MYT1L: variants seen among roughly 807,000 people sequenced by gnomAD.
The protein encoded by MYT1L is myelin transcription factor 1-like protein.
A neutral mutation model predicts 126.7 loss-of-function variants in MYT1L; 12 were observed. That is an observed-to-expected ratio of 0.09 (90% confidence interval 0.06 to 0.15). The LOEUF (loss-of-function observed/expected upper bound fraction) is 0.15. Among genes scored for constraint, MYT1L ranks in the 10% least tolerant of loss-of-function variants. The probability of loss-of-function intolerance (pLI) is 1.00; values close to 1 mark genes in which losing one functional copy is unlikely to be tolerated. For missense variants in MYT1L, 979 were observed against 1,585.2 expected, an observed-to-expected ratio of 0.62 and a Z score of 6.49; for synonymous variants, 541 against 604.2, an observed-to-expected ratio of 0.90 and a Z score of 1.53.
At position 2,072,655 on chromosome 2, in the gene MYT1L, T is replaced by G. The variant is rs183489512; in HGVS notation, c.-303-18532A>C. ...GATCTCCAATTGTAATCCCCAGGAGTTGAGGGAGGAACCTGGTAGGAAGTG... is the reference window on the plus strand; with the variant it reads ...GATCTCCAATTGTAATCCCCAGGAGGTGAGGGAGGAACCTGGTAGGAAGTG... On this transcript the variant is annotated intron_variant, in intron 3 of 24. Transcript: ENST00000647738. Among the ~76,000 whole-genome samples the G allele has an allele frequency of 2.2e-3, 329 of 152,108 alleles. 1 individual carries two copies. The highest frequency in any genetic ancestry group is 7.8e-3 in the African/African-American group (322 of 41,482).
At chr2:1,990,503 G>A (rs1322322914) in intron 5 of MYT1L, among the ~76,000 whole-genome samples, 2 of 152,158 alleles carry the variant, frequency 1.3e-5, no homozygotes, top group Non-Finnish European at 2.9e-5. Context: ...AACCACTGCG[G>A]GTGCCATGGA....
intron 3 of MYT1L, among the ~76,000 whole-genome samples, chr2:2,077,045 T>A (rs777946847): frequency 1.1e-4 from 16 of 152,134 alleles, no homozygotes; most frequent in Non-Finnish European, 2.4e-4. Flanking sequence ...GTTGAAATAT[T>A]CAATAACTGA....
intron 3 of MYT1L, among the ~76,000 whole-genome samples, chr2:2,137,073 T>G (rs1162969682): frequency 1.3e-5 from 2 of 152,018 alleles, no homozygotes; most frequent in Non-Finnish European, 2.9e-5. Flanking sequence ...AAATCATGAG[T>G]GAACTCCCAT....
chr2:2,018,852 C>CAG (rs1553420743), intron 4 of MYT1L, among the ~76,000 whole-genome samples: 1 of 152,092 alleles, frequency 6.6e-6, no homozygotes, highest in Non-Finnish European at 1.5e-5. Flanking sequence ...TTTTGAGTTC[C>CAG]AGAGAGAGAA....
intron 2 of MYT1L, among the ~76,000 whole-genome samples, chr2:2,214,159 A>G (rs998690084): frequency 2.6e-4 from 39 of 152,276 alleles, no homozygotes; most frequent in African/African-American, 8.9e-4. Flanking sequence ...AAAAAGAATT[A>G]TAAATGAACA....
At chr2:2,239,272 C>T (rs1540378) in intron 2 of MYT1L, among the ~76,000 whole-genome samples, 79,314 of 152,030 alleles carry the variant, frequency 0.52, 21,723 homozygotes, top group East Asian at 0.78. Flanking sequence ...CACAGACAGA[C>T]GGGGGCAAAG....
intron 2 of MYT1L, among the ~76,000 whole-genome samples, chr2:2,232,871 C>G (rs1658752927): frequency 6.6e-6 from 1 of 152,158 alleles, no homozygotes; most frequent in Non-Finnish European, 1.5e-5. Flanking sequence ...TCATGGCTCC[C>G]TTCTCTCTGA....
intron 3 of MYT1L, among the ~76,000 whole-genome samples, chr2:2,084,189 C>T (rs2076131694): frequency 6.6e-6 from 1 of 151,766 alleles, no homozygotes; most frequent in Admixed American, 6.6e-5. Context: ...GGAGGGAGAC[C>T]ACTCCATCAG....
chr2:2,278,538 C>T (rs934965691), intron 2 of MYT1L, among the ~76,000 whole-genome samples: 1 of 152,108 alleles, frequency 6.6e-6, no homozygotes, highest in Admixed American at 6.5e-5. Flanking sequence ...CATTTGATAA[C>T]CATTTCTATA....
At chr2:2,023,129 G>A (rs2065196237) in intron 4 of MYT1L, among the ~76,000 whole-genome samples, 1 of 152,190 alleles carries the variant, frequency 6.6e-6, no homozygotes, top group Non-Finnish European at 1.5e-5. Flanking sequence ...GCGCCCCAGG[G>A]AAAGACACTG....
intron 11 of MYT1L, among the ~76,000 whole-genome samples, chr2:1,914,815 G>T (rs1244224308): frequency 6.6e-6 from 1 of 152,192 alleles, no homozygotes; most frequent in African/African-American, 2.4e-5. Context: ...TCGTGAATCT[G>T]CCCCAGCTTT....
intron 3 of MYT1L, among the ~76,000 whole-genome samples, chr2:2,127,292 T>A (rs1442802788): frequency 1.3e-5 from 2 of 152,160 alleles, no homozygotes; most frequent in Non-Finnish European, 2.9e-5. Flanking sequence ...GGTACACGTG[T>A]GCAATTATGC....
chr2:2,098,225 C>T lies in MYT1L; in HGVS notation c.-303-44102G>A, dbSNP rs552849067. ...GCAGCACATTAACAGATTGCTTAGG[C>T]GTTCCTGTAGGCTTCTTTCCTCATG... On this transcript the variant is annotated intron_variant, in intron 3 of 24. Transcript: ENST00000647738. 3.3e-4 allele frequency among the ~76,000 whole-genome samples: 50 copies of T among 152,210 alleles called. 3 individuals are homozygous for T. The South Asian group carries it at 9.3e-3, about 28-fold the overall frequency.
At chr2:1,994,503 T>G (rs13382326) in intron 5 of MYT1L, among the ~76,000 whole-genome samples, 1 of 152,110 alleles carries the variant, frequency 6.6e-6, no homozygotes, top group African/African-American at 2.4e-5. Context: ...TGCTGTCTCC[T>G]GGTGATGCTC....
intron 1 of MYT1L, among the ~76,000 whole-genome samples, chr2:2,312,628 G>A (rs1573473151): frequency 6.6e-6 from 1 of 151,946 alleles, no homozygotes; most frequent in African/African-American, 2.4e-5. Flanking sequence ...ACACTTCTGA[G>A]GTTTACTAAG....
intron 23 of MYT1L, among the ~76,000 whole-genome samples, chr2:1,794,649 G>C (rs1039588791): frequency 6.6e-6 from 1 of 152,178 alleles, no homozygotes; most frequent in African/African-American, 2.4e-5. Flanking sequence ...TTCTCTGCTG[G>C]AAAGTCTAGC....
intron 21 of MYT1L, among the ~76,000 whole-genome samples, chr2:1,818,043 G>A (rs138005560): frequency 3.1e-4 from 46 of 150,110 alleles, no homozygotes; most frequent in African/African-American, 1.0e-3. Flanking sequence ...AGGTTCCAGC[G>A]AAAGCTTTAG....
chr2:2,162,852 C>T (rs948590891), intron 3 of MYT1L, among the ~76,000 whole-genome samples: 5 of 152,210 alleles, frequency 3.3e-5, no homozygotes, highest in Non-Finnish European at 7.3e-5. Flanking sequence ...TGTTCTCTTG[C>T]TCTCAGGTGG....
intron 21 of MYT1L, among the ~76,000 whole-genome samples, chr2:1,831,738 C>T (rs955959270): frequency 7.2e-5 from 11 of 152,184 alleles, no homozygotes; most frequent in South Asian, 6.2e-4. Context: ...CACATCATGG[C>T]GCCTGGCTCC....
Sources: allele counts gnomAD v4.1 joint callset (sites outside exome capture counted in the v4.1 genomes callset), GRCh38; gene constraint gnomAD v4.1.1; transcripts MANE v1.5; gene names NCBI Gene and HGNC (gene_info 2026-07-23, HGNC 2026-07-21).